Variants in SCAPER observed in about 807,000 individuals in gnomAD.
SCAPER encodes S-phase cyclin A associated protein in the ER.
A neutral mutation model predicts 182.2 loss-of-function variants in SCAPER; 98 were observed. The observed-to-expected ratio is 0.54, with a 90% CI of 0.46 to 0.64. SCAPER has a LOEUF of 0.64. Among genes scored for constraint, SCAPER ranks in the 30% least tolerant of loss-of-function variants. The pLI, the probability that SCAPER is intolerant of heterozygous loss-of-function variation, is 0.00. For synonymous variants in SCAPER, 605 were observed against 564.6 expected, an observed-to-expected ratio of 1.07 and a Z score of -1.01; for missense variants, 1,432 against 1,690.0, an observed-to-expected ratio of 0.85 and a Z score of 2.68.
intron 27 of SCAPER, among the ~76,000 whole-genome samples, chr15:76,384,928 G>C (rs1331708171): frequency 6.6e-6 from 1 of 152,130 alleles, no homozygotes; most frequent in Non-Finnish European, 1.5e-5. Context: ...TTCATATCAG[G>C]CATGTGTAAT....
At chr15:76,711,895 C>T (rs2150880001) in intron 17 of SCAPER, among the ~76,000 whole-genome samples, 1 of 152,236 alleles carries the variant, frequency 6.6e-6, no homozygotes, top group African/African-American at 2.4e-5. Flanking sequence ...GTTGCCTGTT[C>T]ACTCTGATGG....
intron 15 of SCAPER, among the ~76,000 whole-genome samples, chr15:76,749,658 A>G (rs544663549): frequency 6.6e-6 from 1 of 151,830 alleles, no homozygotes; most frequent in Non-Finnish European, 1.5e-5. Context: ...AAAACAAAAT[A>G]TCATTGAATA....
chr15:76,873,187 G>C (rs2072863979), intron 2 of SCAPER, among the ~76,000 whole-genome samples: 1 of 151,182 alleles, frequency 6.6e-6, no homozygotes, highest in Non-Finnish European at 1.5e-5. Flanking sequence ...GGAGTTCAAA[G>C]CTGTAGTGAG....
chr15:76,414,414 G>T (rs2045512122), intron 26 of SCAPER, among the ~76,000 whole-genome samples: 1 of 152,028 alleles, frequency 6.6e-6, no homozygotes, highest in African/African-American at 2.4e-5. Flanking sequence ...AGCTGATCAT[G>T]TCAAACTGCT....
At chr15:76,732,975 G>A (rs891003467) in intron 16 of SCAPER, among the ~76,000 whole-genome samples, 4 of 152,088 alleles carry the variant, frequency 2.6e-5, no homozygotes, top group African/African-American at 9.7e-5. Flanking sequence ...TGGCTCACAC[G>A]CCTTACCCTG....
chr15:76,738,541 C>CAAA (rs71143360), intron 15 of SCAPER, among the ~76,000 whole-genome samples: 4 of 144,098 alleles, frequency 2.8e-5, no homozygotes, highest in Admixed American at 6.9e-5. Context: ...GACTCTGTCT[C>CAAA]AAAAAAAAAA....
chr15:76,820,123 A>G (rs929042574), intron 5 of SCAPER, among the ~76,000 whole-genome samples: 21 of 152,184 alleles, frequency 1.4e-4, no homozygotes, highest in African/African-American at 4.3e-4. Context: ...AAATAGGAAC[A>G]CTTTTACACT....
chr15:76,487,805 A>G (rs1440816349), intron 24 of SCAPER, among the ~76,000 whole-genome samples: 1 of 152,140 alleles, frequency 6.6e-6, no homozygotes, highest in Non-Finnish European at 1.5e-5. Context: ...TGGTATCTTG[A>G]TCCTTTGACT....
intron 21 of SCAPER, among the ~76,000 whole-genome samples, chr15:76,647,104 C>T (rs1297812420): frequency 1.3e-5 from 2 of 152,150 alleles, no homozygotes; most frequent in Admixed American, 6.5e-5. Flanking sequence ...TTTTACTGGA[C>T]ACCTACCATG....
At chr15:76,703,298 T>C (rs1005549777) in intron 18 of SCAPER, among the ~76,000 whole-genome samples, 8 of 152,344 alleles carry the variant, frequency 5.3e-5, no homozygotes, top group Admixed American at 3.3e-4. Context: ...TGTAGAACTT[T>C]ACAGAACCTC....
chr15:76,883,670 T>C (rs745322072), intron 2 of SCAPER, 142 bp downstream of exon 2: 30 of 714,440 alleles, frequency 4.2e-5, no homozygotes, highest in Non-Finnish European at 6.0e-5. Context: ...CATTCATAGC[T>C]GCTCACTTTA....
At chr15:76,518,824 T>C (rs138582873) in intron 23 of SCAPER, among the ~76,000 whole-genome samples, 2 of 152,354 alleles carry the variant, frequency 1.3e-5, no homozygotes, top group Non-Finnish European at 2.9e-5. Flanking sequence ...TCCATCATAA[T>C]GTCACAAATA....
intron 23 of SCAPER, among the ~76,000 whole-genome samples, chr15:76,559,201 A>ATTTTTTTTTTTTTTTTTTTTTT (rs58642207): frequency 1.6e-5 from 2 of 121,822 alleles, no homozygotes; most frequent in African/African-American, 3.8e-5. Flanking sequence ...CACCCAGCTA[A>ATTTTTTTTTTTTTTTTTTTTTT]TTTTTTTTTT....
intron 17 of SCAPER, among the ~76,000 whole-genome samples, chr15:76,719,875 T>C (rs1022716650): frequency 6.6e-6 from 1 of 152,014 alleles, no homozygotes; most frequent in East Asian, 1.9e-4. Context: ...ATTATTAGAA[T>C]GCTTAACAGA....
At chr15:76,633,781 CA>C (rs1409936311) in intron 21 of SCAPER, among the ~76,000 whole-genome samples, 1 of 152,204 alleles carries the variant, frequency 6.6e-6, no homozygotes, top group Non-Finnish European at 1.5e-5. Context: ...GCACCTGCAG[CA>C]GGGGAAAACA....
At chr15:76,819,235 G>A (rs1370956355) in intron 5 of SCAPER, among the ~76,000 whole-genome samples, 2 of 152,220 alleles carry the variant, frequency 1.3e-5, no homozygotes, top group African/African-American at 2.4e-5. Flanking sequence ...TTTGAAGACA[G>A]TAGTGGTTCT....
chr15:76,531,992 C>T (rs963224132), intron 23 of SCAPER, among the ~76,000 whole-genome samples: 2 of 152,200 alleles, frequency 1.3e-5, no homozygotes, highest in Non-Finnish European at 2.9e-5. Context: ...TACTCCCCAC[C>T]AGGTATCCTT....
intron 25 of SCAPER, among the ~76,000 whole-genome samples, chr15:76,465,536 T>C (rs1178472548): frequency 6.6e-6 from 1 of 152,200 alleles, no homozygotes; most frequent in African/African-American, 2.4e-5. Flanking sequence ...CTTTCTGCAC[T>C]GTTGATTGTG....
intron 23 of SCAPER, among the ~76,000 whole-genome samples, chr15:76,508,386 T>C (rs2041766046): frequency 6.6e-6 from 1 of 152,202 alleles, no homozygotes; most frequent in South Asian, 2.1e-4. Context: ...TGCACATGTA[T>C]TTGGCACATG....
Sources: gnomAD v4.1 joint callset for allele counts (sites outside exome capture counted in the v4.1 genomes callset) on GRCh38, gnomAD v4.1.1 for gene constraint, MANE v1.5 for transcripts, NCBI Gene and HGNC (gene_info 2026-07-23, HGNC 2026-07-21) for gene names.